Variants in ADAMTS12 observed in about 807,000 individuals in gnomAD.
ADAMTS12 encodes ADAM metallopeptidase with thrombospondin type 1 motif 12.
Under a neutral mutation model 167.8 loss-of-function variants are expected in ADAMTS12, and 118 were observed. That is an observed-to-expected ratio of 0.70 (90% CI 0.61 to 0.82). The LOEUF is 0.82. Ranked by LOEUF, ADAMTS12 falls within the 40% of genes least tolerant of loss-of-function variation. The pLI, the probability that ADAMTS12 is intolerant of heterozygous loss-of-function variation, is 0.00. For missense variants in ADAMTS12, 1,916 were observed against 1,998.8 expected (o/e 0.96, Z 0.79); for synonymous variants, 704 against 716.9 (o/e 0.98, Z 0.29).
chr5:33,634,158 G>T (rs928313020), intron 12 of ADAMTS12, among the ~76,000 whole-genome samples: 12 of 152,134 alleles, frequency 7.9e-5, no homozygotes, highest in African/African-American at 2.9e-4. Context: ...TATTTCTTAG[G>T]TAAGGAAAAG....
chr5:33,787,572 C>T (rs1194960874), intron 2 of ADAMTS12, among the ~76,000 whole-genome samples: 2 of 152,144 alleles, frequency 1.3e-5, no homozygotes, highest in African/African-American at 4.8e-5. Flanking sequence ...GTGACATCAG[C>T]GATTGGAGCC....
In ADAMTS12 at chr5:33,525,047, G is replaced by A. The variant is rs532079943; in HGVS notation, c.*2141C>T. ...GTCATACCCAGGTCTCTGATGACAC[G>A]TATTTGACCCTATGCTAGTACAGTA... is the stretch of plus-strand genomic sequence containing the variant. On this transcript the variant is annotated 3_prime_UTR_variant, in exon 24 of 24. Coordinates refer to ENST00000504830, the MANE Select transcript of ADAMTS12 (RefSeq NM_030955.4). The A allele has an allele frequency of 6.6e-5, 10 of 152,178 alleles. No homozygotes were observed. Among genetic ancestry groups the A allele is most frequent in the Admixed American group, 5.9e-4 (9 of 15,272 alleles). 9.4% of individuals were successfully genotyped at this position (152,178 alleles called of 1,614,324 possible). A position where few individuals can be genotyped will look rare whatever the true frequency, so the allele number is the denominator to read the frequency against.
intron 2 of ADAMTS12, among the ~76,000 whole-genome samples, chr5:33,772,650 C>A (rs1178162887): frequency 1.3e-5 from 2 of 152,170 alleles, no homozygotes; most frequent in African/African-American, 4.8e-5. Context: ...TGAAAAAGAG[C>A]AGCTTGGCTG....
chr5:33,681,173 A>G (rs1302670496), intron 5 of ADAMTS12, among the ~76,000 whole-genome samples: 1 of 152,228 alleles, frequency 6.6e-6, no homozygotes. Context: ...TGGTATTCCA[A>G]GACACCCAAA....
chr5:33,745,593 A>T (rs1024924096), intron 3 of ADAMTS12, among the ~76,000 whole-genome samples: 2 of 152,104 alleles, frequency 1.3e-5, no homozygotes, highest in African/African-American at 4.8e-5. Context: ...TAAGACAAGC[A>T]GATGTTGTGT....
intron 19 of ADAMTS12, among the ~76,000 whole-genome samples, chr5:33,572,119 C>T (rs1429152526): frequency 1.3e-5 from 2 of 152,122 alleles, no homozygotes; most frequent in East Asian, 3.9e-4. Flanking sequence ...GCTTACCAAC[C>T]AAAAAGAGTC....
At chr5:33,826,413 T>C (rs1408021225) in intron 2 of ADAMTS12, among the ~76,000 whole-genome samples, 1 of 152,104 alleles carries the variant, frequency 6.6e-6, no homozygotes, top group Non-Finnish European at 1.5e-5. Context: ...GAAAAGTGTA[T>C]ATGCAAAGGT....
At chr5:33,791,547 A>G (rs746518790) in intron 2 of ADAMTS12, among the ~76,000 whole-genome samples, 11 of 152,356 alleles carry the variant, frequency 7.2e-5, no homozygotes, top group Admixed American at 6.5e-4. Flanking sequence ...TCAGATTTTT[A>G]TCACCTGGGA....
intron 16 of ADAMTS12, among the ~76,000 whole-genome samples, chr5:33,599,471 A>T (rs898713080): frequency 6.6e-6 from 1 of 152,158 alleles, no homozygotes; most frequent in African/African-American, 2.4e-5. Flanking sequence ...CAAGAAGGTC[A>T]TCCTGTGGAT....
At chr5:33,718,675 T>A (rs1439456767) in intron 3 of ADAMTS12, among the ~76,000 whole-genome samples, 3 of 152,116 alleles carry the variant, frequency 2.0e-5, no homozygotes, top group Non-Finnish European at 4.4e-5. Flanking sequence ...ACTAGAAGAA[T>A]GCCCACATGT....
At chr5:33,616,281 T>C (rs1480127415) in intron 14 of ADAMTS12, among the ~76,000 whole-genome samples, 1 of 152,192 alleles carries the variant, frequency 6.6e-6, no homozygotes, top group Non-Finnish European at 1.5e-5. Flanking sequence ...TGTGACTCAA[T>C]ATGTGCCCAG....
At chr5:33,610,764 C>G (rs545543946) in intron 16 of ADAMTS12, among the ~76,000 whole-genome samples, 14 of 152,052 alleles carry the variant, frequency 9.2e-5, no homozygotes, top group Non-Finnish European at 2.1e-4. Context: ...AGTACACAAC[C>G]CTTAAAATAA....
At chr5:33,571,856 C>T (rs1746368190) in intron 19 of ADAMTS12, among the ~76,000 whole-genome samples, 1 of 151,284 alleles carries the variant, frequency 6.6e-6, no homozygotes, top group South Asian at 2.1e-4. Context: ...GCTAGCAAGA[C>T]TAATAAAGAA....
intron 3 of ADAMTS12, among the ~76,000 whole-genome samples, chr5:33,715,964 T>C (rs1472534867): frequency 6.6e-6 from 1 of 152,150 alleles, no homozygotes; most frequent in Non-Finnish European, 1.5e-5. Context: ...CCAGGCATTT[T>C]ACAGCTCTGT....
At chr5:33,693,968 A>G (rs80291708) in intron 3 of ADAMTS12, among the ~76,000 whole-genome samples, 27,801 of 152,206 alleles carry the variant, frequency 0.18, 2,986 homozygotes, top group South Asian at 0.43. Context: ...GTCTCAGGAT[A>G]CAAAATCAAT....
chr5:33,651,850 T>C (rs1166158293), intron 7 of ADAMTS12, among the ~76,000 whole-genome samples: 1 of 152,216 alleles, frequency 6.6e-6, no homozygotes, highest in Non-Finnish European at 1.5e-5. Flanking sequence ...TGTATGTCTA[T>C]ACATACTCAT....
intron 9 of ADAMTS12, 143 bp from the exon 10 acceptor site, chr5:33,643,613 A>G: frequency 1.4e-6 from 1 of 721,990 alleles, no homozygotes; most frequent in Admixed American, 2.4e-5. Context: ...GAAAGCAATC[A>G]TTAGAGTTTT....
chr5:33,647,283 A>G (rs764032386), intron 9 of ADAMTS12, among the ~76,000 whole-genome samples: 1 of 152,194 alleles, frequency 6.6e-6, no homozygotes, highest in Non-Finnish European at 1.5e-5. Flanking sequence ...TTCTACTCAC[A>G]GGGGAGTAAG....
chr5:33,738,246 C>T (rs1244060570), intron 3 of ADAMTS12, among the ~76,000 whole-genome samples: 1 of 152,178 alleles, frequency 6.6e-6, no homozygotes, highest in Non-Finnish European at 1.5e-5. Context: ...AAATACCCTT[C>T]TCCAAACCAG....
Sources: gnomAD v4.1 joint callset for allele counts (sites outside exome capture counted in the v4.1 genomes callset) on GRCh38, gnomAD v4.1.1 for gene constraint, MANE v1.5 for transcripts, NCBI Gene and HGNC (gene_info 2026-07-23, HGNC 2026-07-21) for gene names.